ESYT1: variants seen among roughly 807,000 people sequenced by gnomAD.
The protein encoded by ESYT1 is extended synaptotagmin-1.
Under a neutral mutation model 154.2 loss-of-function variants are expected in ESYT1, and 116 were observed. The ratio of observed to expected loss-of-function variants is 0.75; its 90% CI spans 0.65 to 0.88. The LOEUF (loss-of-function observed/expected upper bound fraction) is 0.88. Ranked by LOEUF, ESYT1 falls within the 40% of genes least tolerant of loss-of-function variation. The pLI is 0.00. For missense variants in ESYT1, 1,264 were observed against 1,379.3 expected (o/e 0.92, Z 1.32); for synonymous variants, 500 against 539.9 (o/e 0.93, Z 1.02).
Position 56,142,189 on chromosome 12 carries a change from C to A in ESYT1, c.2593-96C>A. Reference sequence around the variant, plus strand: ...TTTCTCAAAGGGAAATCTCACCAAACCACCTATGAGTCCAAGCGTTTGGAC... The same window carrying A: ...TTTCTCAAAGGGAAATCTCACCAAAACACCTATGAGTCCAAGCGTTTGGAC... On this transcript the variant is annotated intron_variant, in intron 24 of 30. Coordinates refer to ENST00000394048, the MANE Select transcript of ESYT1 (RefSeq NM_015292.3). This position sits in a 1 kb window ranked among gnomAD's most constrained non-coding sequence, Gnocchi z 4.1. 7.0e-7 allele frequency: 1 copy of A among 1,434,510 alleles called. No individual in the cohort carries two copies. The highest frequency in any genetic ancestry group is 9.5e-7 in the Non-Finnish European group (1 of 1,053,352). 88.9% of individuals were successfully genotyped at this position (1,434,510 alleles called of 1,614,324 possible). A position where few individuals can be genotyped will look rare whatever the true frequency, so the allele number is the denominator to read the frequency against.
In ESYT1 at chr12:56,128,493, C is replaced by T. The variant is rs775603681; in HGVS notation, c.174C>T (p.Phe58=). 6.8e-6 allele frequency: 11 copies of T among 1,610,936 alleles called. No individual in the cohort carries two copies. The East Asian group carries it at 2.2e-4, about 33-fold the overall frequency. ...AGEALAVLTS[F]GRRLLVLIPV... is the part of the protein sequence containing the mutation. Reference sequence around the variant, plus strand: ...AGGCCCTGGCGGTGCTGACTTCATTCGGGAGGCGGTTGCTGGTGCTGATAC... The same window carrying T: ...AGGCCCTGGCGGTGCTGACTTCATTTGGGAGGCGGTTGCTGGTGCTGATAC... The change falls in exon 1 of 31, where the codon TTC becomes TTT. Residue 58 remains phenylalanine (F), a synonymous_variant. Transcript: ENST00000394048.
rs79083300 is a variant in ESYT1, at chr12:56,138,934, C to T, written c.2513C>T (p.Ser838Leu). ...AGCCCTCATCTCCACCAGACTATTT[C>T]GCAAACTTCAGCCCCTGTCTGGGAT... is the stretch of plus-strand genomic sequence containing the variant. ...GDSSHKTKTI[S>L]QTSAPVWDES... The change falls in exon 24 of 31, where the codon TCG becomes TTG. Residue 838 changes from serine (S) to leucine (L), a missense_variant. Physicochemically the swap from Ser to Leu is moderately radical, Grantham distance 145. Coordinates refer to ENST00000394048, the MANE Select transcript of ESYT1 (RefSeq NM_015292.3). 169 of 1,613,942 alleles carry T rather than the reference C, an allele frequency of 1.0e-4. No individual in the cohort carries two copies. Among genetic ancestry groups the T allele is most frequent in the East Asian group, 2.0e-4 (9 of 44,896 alleles).
chr12:56,138,516 C>A lies in ESYT1; in HGVS notation c.2433+17C>A. On this transcript the variant is annotated intron_variant, in intron 22 of 30. Transcript: ENST00000394048. ...GACCTCCCGGTGAGATCCCGCTCCC[C>A]ATGCCCCATAACTTCCTGGCCCTTC... The A allele has an allele frequency of 6.3e-7, 1 of 1,587,784 alleles. No individual in the cohort carries two copies.
Position 56,142,483 on chromosome 12 carries a change from T to G in ESYT1, c.2733+58T>G, listed in dbSNP as rs1333929087. On this transcript the variant is annotated intron_variant, in intron 25 of 30. Transcript: ENST00000394048. This position sits in a 1 kb window ranked among gnomAD's most constrained non-coding sequence, Gnocchi z 4.1. The stretch of plus-strand genomic sequence containing the variant: ...GGGAGGAGGGGAGGGCCTTCACAGG[T>G]GAGGGACACCCAGGAGGGTGGGAAC... 6.2e-7 allele frequency: 1 copy of G among 1,606,402 alleles called. No homozygotes were observed. The highest frequency in any genetic ancestry group is 1.3e-5 in the African/African-American group (1 of 74,672).
intron 19 of ESYT1, 38 bp from the exon 20 acceptor site, chr12:56,137,988 C>G: frequency 6.2e-7 from 1 of 1,613,904 alleles, no homozygotes; most frequent in African/African-American, 1.3e-5. Context: ...CCTTGGTTCT[C>G]ACCATCTAGC....
chr12:56,128,283 G>A lies in ESYT1; in HGVS notation c.-37G>A, dbSNP rs1212901126. ...CGCAAGACTAGGCAACCTCCAGCCA[G>A]TCCCTGGGTCGGGCGGATCCTCCCA... On this transcript the variant is annotated 5_prime_UTR_variant, in exon 1 of 31. Transcript: ENST00000394048. 6.3e-7 allele frequency: 1 copy of A among 1,578,104 alleles called. No homozygotes were observed. Among genetic ancestry groups the A allele is most frequent in the Non-Finnish European group, 8.6e-7 (1 of 1,167,354 alleles).
chr12:56,130,657 G>A (rs1243928586), intron 2 of ESYT1, 34 bp downstream of exon 2: 11 of 1,613,896 alleles, frequency 6.8e-6, no homozygotes, highest in Non-Finnish European at 6.8e-6. Context: ...TCTTCATGAG[G>A]GGAGAATGGG....
chr12:56,130,407 C>G (rs1194510186), intron 1 of ESYT1, 175 bp from the exon 2 acceptor site: 1 of 708,964 alleles, frequency 1.4e-6, no homozygotes. Context: ...AGAGAGACAT[C>G]AGCCCCCAAA....
chr12:56,139,675 A>C (rs1252796909), intron 24 of ESYT1, among the ~76,000 whole-genome samples: 6 of 149,964 alleles, frequency 4.0e-5, no homozygotes, highest in Non-Finnish European at 8.9e-5. Context: ...AGCTCACTGC[A>C]ACCTCAGCCT....
At chr12:56,139,110 CTT>C (rs368424488) in intron 24 of ESYT1, 97 bp downstream of exon 24, 8,791 of 643,616 alleles carry the variant, frequency 0.014, 2 homozygotes, top group Non-Finnish European at 0.015. Context: ...AAAAGGTTGA[CTT>C]TTTTTTTTTT....
chr12:56,130,897 C>G lies in ESYT1; in HGVS notation c.539C>G (p.Thr180Arg). The change falls in exon 3 of 31, where the codon ACA (threonine) becomes AGA (arginine). Residue 180 changes from threonine (T) to arginine (R), a missense_variant. Thr to Arg is a moderately conservative substitution (Grantham distance 71, BLOSUM62 -1). Coordinates refer to ENST00000394048, the MANE Select transcript of ESYT1 (RefSeq NM_015292.3). ...RGSNPHLQTF[T>R]FTRVELGEKP... ...TCTAACCCCCATCTGCAAACATTTACATTTACACGAGTGGAACTGGGTGAA... is the reference window on the plus strand; with the variant it reads ...TCTAACCCCCATCTGCAAACATTTAGATTTACACGAGTGGAACTGGGTGAA... 1 of 1,614,234 alleles carries G rather than the reference C, an allele frequency of 6.2e-7. No homozygotes were observed. The highest frequency in any genetic ancestry group is 8.5e-7 in the Non-Finnish European group (1 of 1,180,040).
At position 56,138,177 on chromosome 12, in the gene ESYT1, C is replaced by G; in HGVS notation, c.2248-6C>G. 2 of 1,614,186 alleles carry G rather than the reference C, an allele frequency of 1.2e-6. No homozygotes were observed. The highest frequency in any genetic ancestry group is 1.7e-6 in the Non-Finnish European group (2 of 1,180,000). Reference sequence around the variant, plus strand: ...CCCCAAGTCTTCACCCTGCCTACTTCCACAGTGGCTGACCCTGGAGGATGT... The same window carrying G: ...CCCCAAGTCTTCACCCTGCCTACTTGCACAGTGGCTGACCCTGGAGGATGT... On this transcript the variant is annotated splice_region_variant and splice_polypyrimidine_tract_variant and intron_variant, in intron 20 of 30. Coordinates refer to ENST00000394048, the MANE Select transcript of ESYT1 (RefSeq NM_015292.3).
chr12:56,138,811 C>G lies in ESYT1; in HGVS notation c.2477C>G (p.Thr826Ser). The G allele has an allele frequency of 6.2e-7, 1 of 1,614,184 alleles. No homozygotes were observed. Among genetic ancestry groups the G allele is most frequent in the South Asian group, 1.1e-5 (1 of 91,084 alleles). Residue 826 changes from threonine to serine, a missense_variant, in exon 23 of 31, where the codon ACT becomes AGT. By Grantham distance (58) the Thr-to-Ser change is moderately conservative (BLOSUM62 1). Transcript: ENST00000394048. ...CACCTCAGCCCTTATGCTACTCTCA[C>G]TGTGGGAGATAGTTCTCATAAAACC... ...TKHLSPYATL[T>S]VGDSSHKTKT...
At position 56,143,236 on chromosome 12, in the gene ESYT1, G is replaced by A; in HGVS notation, c.3128G>A (p.Trp1043Ter). The change falls in exon 29 of 31, where the codon TGG becomes TAG. Residue 1043 changes from tryptophan (W) to a stop codon, truncating the protein, a stop_gained. Transcript: ENST00000394048. LOFTEE classifies it high-confidence loss of function. ...ATCCAGTCCTACCCCAGGTTTGAGT[G>A]GGAACTCCCCCTGGATGAGGCCCAG... ...LSPEFNERFE[W>*]ELPLDEAQRR... 6.2e-7 allele frequency: 1 copy of A among 1,614,142 alleles called. No homozygotes were observed.
At chr12:56,143,540 AAAAG>A in intron 29 of ESYT1, 36 bp from the exon 30 acceptor site, 1 of 1,612,318 alleles carries the variant, frequency 6.2e-7, no homozygotes, top group Non-Finnish European at 8.5e-7. Flanking sequence ...CTCAAAAAAT[AAAAG>A]AAATAACATC....
chr12:56,143,105 A>C lies in ESYT1; in HGVS notation c.3076A>C (p.Thr1026Pro). The C allele has an allele frequency of 1.2e-6, 2 of 1,614,098 alleles. No homozygotes were observed. The highest frequency in any genetic ancestry group is 1.7e-6 in the Non-Finnish European group (2 of 1,180,028). Reference protein sequence around the residue: ...PDKNRGTKRRTSQKKRTLSPE... With the variant: ...PDKNRGTKRRPSQKKRTLSPE... ...CAAGAACCGAGGCACCAAGAGGAGG[A>C]CCTCACAGAAGAAGAGGACCCTGAG... The change falls in exon 28 of 31, where the codon ACC (threonine) becomes CCC (proline). Residue 1026 changes from threonine to proline, a missense_variant. Coordinates refer to ENST00000394048, the MANE Select transcript of ESYT1 (RefSeq NM_015292.3).
chr12:56,143,853 C>T lies in ESYT1; in HGVS notation c.3306C>T (p.Gly1102=). 6.2e-7 allele frequency: 1 copy of T among 1,613,922 alleles called. No individual in the cohort carries two copies. The highest frequency in any genetic ancestry group is 8.5e-7 in the Non-Finnish European group (1 of 1,179,916). The stretch of plus-strand genomic sequence containing the variant: ...ACCTGATGGACAACAAGGACAAGGG[C>T]AGCTCCTAGGAGCTGGCGAGTCCCA... ...WYDLMDNKDK[G]SS The change falls in exon 31 of 31, where the codon GGC becomes GGT. Residue 1102 remains glycine, a synonymous_variant. Coordinates refer to ENST00000394048, the MANE Select transcript of ESYT1 (RefSeq NM_015292.3).
rs1870845727 is a variant in ESYT1, at chr12:56,144,564, C to T, written c.*702C>T. Reference sequence around the variant, plus strand: ...GGGACAGCAGGGCCAATTTTTTTGCCCAAGTGCCTAGGCTGCTAACTCACT... The same window carrying T: ...GGGACAGCAGGGCCAATTTTTTTGCTCAAGTGCCTAGGCTGCTAACTCACT... On this transcript the variant is annotated 3_prime_UTR_variant, in exon 31 of 31. Transcript: ENST00000394048. 1.1e-5 allele frequency: 11 copies of T among 985,374 alleles called. No individual in the cohort carries two copies. The highest frequency in any genetic ancestry group is 1.3e-5 in the Non-Finnish European group (11 of 830,012). 61.0% of individuals were successfully genotyped at this position (985,374 alleles called of 1,614,324 possible).
At position 56,131,172 on chromosome 12, in the gene ESYT1, T is replaced by C. The variant is rs952075547; in HGVS notation, c.641+59T>C. ...TCAATGTGTCCTGTTCAGTCCAGGC[T>C]ACTTCACTCCCCCTCCCCGCAACTT... On this transcript the variant is annotated intron_variant, in intron 4 of 30. Coordinates refer to ENST00000394048, the MANE Select transcript of ESYT1 (RefSeq NM_015292.3). 4.3e-6 allele frequency: 7 copies of C among 1,612,938 alleles called. No homozygotes were observed. In the Admixed American group the frequency reaches 1.2e-4, roughly 27 times the overall value.
Sources: allele counts gnomAD v4.1 joint callset (sites outside exome capture counted in the v4.1 genomes callset), GRCh38; gene constraint gnomAD v4.1.1; non-coding constraint Gnocchi (gnomAD v3.1); transcripts MANE v1.5; gene names NCBI Gene and HGNC (gene_info 2026-07-23, HGNC 2026-07-21).